MB: variants seen among roughly 807,000 people sequenced by gnomAD.
The protein encoded by MB is nitrite reductase MB.
In MB, 10 loss-of-function variants were observed where a neutral mutation model predicts 14.5. The observed-to-expected ratio is 0.69, with a 90% CI of 0.43 to 1.17. The LOEUF is 1.17. Among genes scored for constraint, MB ranks in the 50% most tolerant of loss-of-function variants. The probability of loss-of-function intolerance (pLI) is 0.00; values close to 1 mark genes in which losing one functional copy is unlikely to be tolerated. For missense variants in MB, 169 were observed against 192.7 expected (o/e 0.88, Z 0.73); for synonymous variants, 89 against 78.6 (o/e 1.13, Z -0.70).
chr22:35,609,854 A>G (rs1445924088), intron 2 of MB, among the ~76,000 whole-genome samples: 2 of 152,142 alleles, frequency 1.3e-5, no homozygotes, highest in East Asian at 3.9e-4. Flanking sequence ...ACTTCTGGCC[A>G]ATGAGATGTA....
chr22:35,618,227 C>T (rs1923227602), upstream of MB, among the ~76,000 whole-genome samples: 1 of 152,192 alleles, frequency 6.6e-6, no homozygotes, highest in African/African-American at 2.4e-5. Flanking sequence ...TAGTCGCTGG[C>T]AGAGTTGGGA....
upstream of MB, among the ~76,000 whole-genome samples, chr22:35,622,325 G>T (rs1923522963): frequency 6.6e-6 from 1 of 151,842 alleles, no homozygotes; most frequent in Non-Finnish European, 1.5e-5. Flanking sequence ...CCAGCGCCAG[G>T]CCAGGGCTCA....
At chr22:35,609,357 T>C (rs1243969648) in intron 2 of MB, among the ~76,000 whole-genome samples, 1 of 152,078 alleles carries the variant, frequency 6.6e-6, no homozygotes, top group Non-Finnish European at 1.5e-5. Flanking sequence ...GCAGGGGAGA[T>C]GGCTTCGCAC....
intron 1 of MB, among the ~76,000 whole-genome samples, chr22:35,615,121 T>C (rs1323795960): frequency 2.6e-5 from 4 of 152,184 alleles, no homozygotes; most frequent in African/African-American, 9.7e-5. Context: ...CTGGGCTTCA[T>C]GGAATTTGCC....
intron 2 of MB, among the ~76,000 whole-genome samples, chr22:35,610,350 C>G (rs1922513278): frequency 6.6e-6 from 1 of 152,196 alleles, no homozygotes; most frequent in Non-Finnish European, 1.5e-5. Flanking sequence ...ATAGAGCCAA[C>G]CTGCTGGTCA....
chr22:35,620,258 C>T (rs373131300), upstream of MB, among the ~76,000 whole-genome samples: 2 of 151,956 alleles, frequency 1.3e-5, no homozygotes, highest in Admixed American at 6.6e-5. Context: ...CACTTGAACC[C>T]GGGAGGCAGA....
At chr22:35,621,439 C>T (rs572285486), upstream of MB, among the ~76,000 whole-genome samples, 18 of 152,188 alleles carry the variant, frequency 1.2e-4, no homozygotes, top group African/African-American at 3.4e-4. Flanking sequence ...TTTTCAGCAC[C>T]GGAGAAACTT....
chr22:35,610,860 C>T, intron 2 of MB, 24 bp downstream of exon 2: 1 of 1,495,714 alleles, frequency 6.7e-7, no homozygotes, highest in Middle Eastern at 1.8e-4. Flanking sequence ...CGCATCCTCC[C>T]ACCTGCCCAG....
chr22:35,622,722 C>G (rs75353543), intron 1 of MB, among the ~76,000 whole-genome samples: 2,502 of 152,236 alleles, frequency 0.016, 78 homozygotes, highest in South Asian at 0.15. Context: ...CTGCCTCCCC[C>G]CTCCACCCTC....
In MB at chr22:35,607,009, G is replaced by A. The variant is rs899221059; in HGVS notation, c.*288C>T. The A allele has an allele frequency of 5.0e-5, 15 of 298,412 alleles. No individual in the cohort carries two copies. Among genetic ancestry groups the A allele is most frequent in the Middle Eastern group, 9.1e-4 (1 of 1,094 alleles). 18.5% of individuals were successfully genotyped at this position (298,412 alleles called of 1,614,324 possible). A position where few individuals can be genotyped will look rare whatever the true frequency, so the allele number is the denominator to read the frequency against. On this transcript the variant is annotated 3_prime_UTR_variant, in exon 3 of 3. Transcript: ENST00000397326. The stretch of plus-strand genomic sequence containing the variant: ...CCAGTTTGGAGGTTGGAAGAAGTTC[G>A]GTTGGGATTTAGAAGAAAGGACAAT...
At chr22:35,619,269 A>G (rs907346848), upstream of MB, among the ~76,000 whole-genome samples, 3 of 152,258 alleles carry the variant, frequency 2.0e-5, no homozygotes, top group Non-Finnish European at 4.4e-5. Context: ...CCTTCCTTCC[A>G]TCTGCATAAG....
At chr22:35,619,292 A>G (rs2145926298), upstream of MB, among the ~76,000 whole-genome samples, 1 of 152,374 alleles carries the variant, frequency 6.6e-6, no homozygotes, top group Admixed American at 6.5e-5. Context: ...TATACAGTTT[A>G]CAAAGTGGCT....
intron 1 of MB, among the ~76,000 whole-genome samples, chr22:35,616,750 C>A (rs1306506337): frequency 6.6e-6 from 1 of 152,198 alleles, no homozygotes; most frequent in Non-Finnish European, 1.5e-5. Context: ...AAGAGCATGT[C>A]TTAACCTTGA....
chr22:35,617,730 G>T (rs1923188765), upstream of MB: 1 of 166,852 alleles, frequency 6.0e-6, no homozygotes, highest in Non-Finnish European at 1.3e-5. Flanking sequence ...CTGGCCCCAG[G>T]ACAGTCCTGG....
upstream of MB, among the ~76,000 whole-genome samples, chr22:35,621,390 A>C (rs1463151693): frequency 2.0e-5 from 3 of 152,166 alleles, no homozygotes; most frequent in African/African-American, 7.2e-5. Flanking sequence ...GAATCTTGAG[A>C]TCCCAGAATT....
At chr22:35,619,672 G>A (rs1165597430), upstream of MB, among the ~76,000 whole-genome samples, 1 of 152,244 alleles carries the variant, frequency 6.6e-6, no homozygotes, top group Non-Finnish European at 1.5e-5. Context: ...TGTTTGGTAA[G>A]AATTGGACAA....
At chr22:35,614,742 ATTATC>A (rs1262293548) in intron 1 of MB, among the ~76,000 whole-genome samples, 1 of 151,718 alleles carries the variant, frequency 6.6e-6, no homozygotes, top group African/African-American at 2.4e-5. Context: ...TACCATTATC[ATTATC>A]ATTATCATTA....
At chr22:35,620,707 T>C (rs1274929420), upstream of MB, among the ~76,000 whole-genome samples, 3 of 152,320 alleles carry the variant, frequency 2.0e-5, no homozygotes, top group Non-Finnish European at 2.9e-5. Context: ...GGTTTTCAAA[T>C]GCTCTCTGGC....
upstream of MB, among the ~76,000 whole-genome samples, chr22:35,621,642 C>G (rs1923466753): frequency 6.6e-6 from 1 of 152,186 alleles, no homozygotes; most frequent in African/African-American, 2.4e-5. Flanking sequence ...CTACCTAAAG[C>G]TTTAAAAATC....
Sources: allele counts gnomAD v4.1 joint callset (sites outside exome capture counted in the v4.1 genomes callset), GRCh38; gene constraint gnomAD v4.1.1; transcripts MANE v1.5; gene names NCBI Gene and HGNC (gene_info 2026-07-23, HGNC 2026-07-21).